The following MARCHF8 variants were observed in gnomAD, a reference collection of about 807,000 sequenced individuals.
MARCHF8 encodes E3 ubiquitin-protein ligase MARCHF8.
A neutral mutation model predicts 51.6 loss-of-function variants in MARCHF8; 40 were observed. The observed-to-expected ratio is 0.77, with a 90% CI of 0.60 to 1.01. The LOEUF (loss-of-function observed/expected upper bound fraction) is 1.01, where lower values mean the gene tolerates loss of function less well. Among genes scored for constraint, MARCHF8 ranks in the 50% least tolerant of loss-of-function variants. The pLI, the probability that MARCHF8 is intolerant of heterozygous loss-of-function variation, is 0.00. For missense variants in MARCHF8, 685 were observed against 708.6 expected (o/e 0.97, Z 0.38); for synonymous variants, 263 against 280.3 (o/e 0.94, Z 0.62).
At chr10:45,532,120 T>C (rs1296769735) in intron 2 of MARCHF8, among the ~76,000 whole-genome samples, 2 of 152,170 alleles carry the variant, frequency 1.3e-5, no homozygotes, top group Non-Finnish European at 2.9e-5. Flanking sequence ...ATCCCCACAC[T>C]AAGGTAAGAC....
chr10:45,463,830 C>T lies in MARCHF8; in HGVS notation c.409G>A (p.Ala137Thr), dbSNP rs778985536. The T allele has an allele frequency of 1.9e-6, 3 of 1,545,916 alleles. No individual in the cohort carries two copies. In the South Asian group the frequency reaches 3.6e-5, roughly 18 times the overall value. ...TTCTTAGCAGGCTTCAAGGCCTGGG[C>T]CCATTCTGAACCAAAGGAATTTCTC... is the stretch of plus-strand genomic sequence containing the variant. ...SKRNSFGSEWAQALKPAKNTK... is the reference protein window; with the variant it reads ...SKRNSFGSEWTQALKPAKNTK... Residue 137 changes from alanine to threonine, a missense_variant, in exon 5 of 8, where the codon GCC becomes ACC. Physicochemically the swap from Ala to Thr is moderately conservative, Grantham distance 58. Coordinates refer to ENST00000453424, the MANE Select transcript of MARCHF8 (RefSeq NM_001282866.2).
intron 1 of MARCHF8, among the ~76,000 whole-genome samples, chr10:45,573,251 C>A (rs1004747102): frequency 6.6e-6 from 1 of 152,266 alleles, no homozygotes; most frequent in South Asian, 2.1e-4. Flanking sequence ...TTAAATAAAA[C>A]TCCTAAAATT....
At position 45,455,927 on chromosome 10, in the gene MARCHF8, T is replaced by C. The variant is rs1441501885; in HGVS notation, c.*2312A>G. Reference sequence around the variant, plus strand: ...TACAGGGCTCAGTTATCAAGGCACCTTTGCCATAGTGGGGTGCCAGCTACA... The same window carrying C: ...TACAGGGCTCAGTTATCAAGGCACCCTTGCCATAGTGGGGTGCCAGCTACA... On this transcript the variant is annotated 3_prime_UTR_variant, in exon 8 of 8. Transcript: ENST00000453424. 1.3e-5 allele frequency: 2 copies of C among 152,230 alleles called. No individual in the cohort carries two copies. Among genetic ancestry groups the C allele is most frequent in the East Asian group, 1.9e-4 (1 of 5,188 alleles). The allele number at this position is 152,230 out of a possible 1,614,324, so 9.4% of individuals were successfully genotyped here.
intron 1 of MARCHF8, among the ~76,000 whole-genome samples, chr10:45,577,952 T>C (rs955085624): frequency 7.2e-5 from 11 of 152,002 alleles, no homozygotes; most frequent in Non-Finnish European, 1.2e-4. Context: ...AGCCCAGGAG[T>C]TCGAGGTTAC....
intron 2 of MARCHF8, among the ~76,000 whole-genome samples, chr10:45,519,974 G>A (rs1047672633): frequency 2.0e-5 from 3 of 152,196 alleles, no homozygotes; most frequent in African/African-American, 7.2e-5. Context: ...TTCACCTGAG[G>A]AGGACAACAG....
At chr10:45,522,601 C>G (rs1203312893) in intron 2 of MARCHF8, among the ~76,000 whole-genome samples, 1 of 152,172 alleles carries the variant, frequency 6.6e-6, no homozygotes, top group Non-Finnish European at 1.5e-5. Context: ...CATCCTAAGC[C>G]TAACTCAAAA....
chr10:45,494,748 C>T (rs2043141477), intron 2 of MARCHF8, among the ~76,000 whole-genome samples: 2 of 152,194 alleles, frequency 1.3e-5, no homozygotes, highest in Admixed American at 1.3e-4. Flanking sequence ...CGAAGTAAAG[C>T]AGTTCACTTT....
intron 2 of MARCHF8, among the ~76,000 whole-genome samples, chr10:45,502,314 G>C (rs2043296059): frequency 1.3e-5 from 2 of 152,190 alleles, no homozygotes; most frequent in Non-Finnish European, 2.9e-5. Flanking sequence ...GAAATCTCCA[G>C]AGAATTACAC....
intron 2 of MARCHF8, among the ~76,000 whole-genome samples, chr10:45,492,318 T>A (rs2043097044): frequency 6.6e-6 from 1 of 151,786 alleles, no homozygotes; most frequent in African/African-American, 2.4e-5. Context: ...TCTTTTTTGA[T>A]ACGTAGTCTC....
At chr10:45,459,807 ACT>A (rs1389062707) in intron 6 of MARCHF8, 2 of 985,276 alleles carry the variant, frequency 2.0e-6, no homozygotes, top group East Asian at 2.3e-4. Flanking sequence ...GTACAAGCAG[ACT>A]CTGCTAGTCC....
chr10:45,469,681 C>T lies in MARCHF8; in HGVS notation c.154-5354G>A, dbSNP rs902045581. ...GAGATCGAGACCATCCTGGCTAACA[C>T]GGTGAAACCCCGTCTCTACTAAAAA... On this transcript the variant is annotated intron_variant, in intron 3 of 7. Coordinates refer to ENST00000453424, the MANE Select transcript of MARCHF8 (RefSeq NM_001282866.2). Among the ~76,000 whole-genome samples the T allele has an allele frequency of 2.2e-4, 33 of 151,672 alleles. No individual in the cohort carries two copies. In the East Asian group the frequency reaches 4.9e-3, roughly 22 times the overall value.
chr10:45,456,355 G>A lies in MARCHF8; in HGVS notation c.*1884C>T, dbSNP rs1564458331. On this transcript the variant is annotated 3_prime_UTR_variant, in exon 8 of 8. Coordinates refer to ENST00000453424, the MANE Select transcript of MARCHF8 (RefSeq NM_001282866.2). ...CTATTCTCAGGAGCTGGCTATGGCTGGACAGTGCCTGCCCGGCCAGAGGAA... is the reference window on the plus strand; with the variant it reads ...CTATTCTCAGGAGCTGGCTATGGCTAGACAGTGCCTGCCCGGCCAGAGGAA... 3 of 152,396 alleles carry A rather than the reference G, an allele frequency of 2.0e-5. No homozygotes were observed. The highest frequency in any genetic ancestry group is 1.3e-4 in the Admixed American group (2 of 15,292). The allele number at this position is 152,396 out of a possible 1,614,324, so 9.4% of individuals were successfully genotyped here. A position where few individuals can be genotyped will look rare whatever the true frequency, so the allele number is the denominator to read the frequency against.
intron 2 of MARCHF8, among the ~76,000 whole-genome samples, chr10:45,489,920 C>G (rs2043052960): frequency 6.6e-6 from 1 of 152,166 alleles, no homozygotes; most frequent in African/African-American, 2.4e-5. Flanking sequence ...GGATATCACA[C>G]AGCTCACATC....
chr10:45,588,792 A>T (rs1358147081), intron 1 of MARCHF8, among the ~76,000 whole-genome samples: 1 of 152,058 alleles, frequency 6.6e-6, no homozygotes, highest in Non-Finnish European at 1.5e-5. Context: ...AGGTCAAGAG[A>T]TCGAGACCAT....
intron 2 of MARCHF8, among the ~76,000 whole-genome samples, chr10:45,530,229 A>T (rs2043855027): frequency 6.6e-6 from 1 of 152,218 alleles, no homozygotes; most frequent in African/African-American, 2.4e-5. Context: ...GCTGAAAAAT[A>T]TGTACACAGG....
chr10:45,580,898 C>T (rs961095959), intron 1 of MARCHF8, among the ~76,000 whole-genome samples: 1 of 152,186 alleles, frequency 6.6e-6, no homozygotes, highest in Admixed American at 6.5e-5. Flanking sequence ...GCTGCCAGAG[C>T]TTAGCCCCTA....
chr10:45,463,662 T>C lies in MARCHF8; in HGVS notation c.577A>G (p.Arg193Gly). The change falls in exon 5 of 8, where the codon AGA becomes GGA. Residue 193 changes from arginine (R) to glycine (G), a missense_variant. Coordinates refer to ENST00000453424, the MANE Select transcript of MARCHF8 (RefSeq NM_001282866.2). The stretch of plus-strand genomic sequence containing the variant: ...TCTTTATGATGAAACCTGTTAGTTC[T>C]GAGACACGTATCTTGAGGGAGTATT... ...KLILPQDTCL[R>G]TNRFHHKEKR... 6.4e-7 allele frequency: 1 copy of C among 1,550,766 alleles called. No homozygotes were observed. The highest frequency in any genetic ancestry group is 8.7e-7 in the Non-Finnish European group (1 of 1,147,030).
chr10:45,500,514 GAGGAAAAATTTTCAGACTTTCGCCAA>G (rs1384505103), intron 2 of MARCHF8, among the ~76,000 whole-genome samples: 1 of 152,062 alleles, frequency 6.6e-6, no homozygotes, highest in African/African-American at 2.4e-5. Flanking sequence ...CCTGATCTTA[GAGGAAAAATTTTCAGACTTTCGCCAA>G]TGACTATAAT....
At chr10:45,485,301 A>C (rs1377682312) in intron 3 of MARCHF8, among the ~76,000 whole-genome samples, 4 of 152,220 alleles carry the variant, frequency 2.6e-5, no homozygotes, top group Non-Finnish European at 5.9e-5. Flanking sequence ...AAATAAAAGG[A>C]AAAGGTGACT....
Sources: allele counts gnomAD v4.1 joint callset (sites outside exome capture counted in the v4.1 genomes callset), GRCh38; gene constraint gnomAD v4.1.1; transcripts MANE v1.5; gene names NCBI Gene and HGNC (gene_info 2026-07-23, HGNC 2026-07-21).